Variants in DRC8 observed in about 807,000 individuals in gnomAD.
The protein encoded by DRC8 is dynein regulatory complex subunit 8, also known as dynein regulatory complex protein 8.
At chr1:245,118,810 G>T in the DRC8 span, among the ~76,000 whole-genome samples, 3 of 83,108 alleles carry the variant, frequency 3.6e-5, no homozygotes, top group African/African-American at 1.7e-4. Flanking sequence ...GAAAAGAAAA[G>T]AAAAGAAAAG....
chr1:245,042,301 C>A, the DRC8 span, among the ~76,000 whole-genome samples: 1 of 152,314 alleles, frequency 6.6e-6, no homozygotes, highest in South Asian at 2.1e-4. Context: ...TAGGGGGCTA[C>A]AAACTCTAGC....
At chr1:245,055,027 A>G in the DRC8 span, among the ~76,000 whole-genome samples, 1 of 152,220 alleles carries the variant, frequency 6.6e-6, no homozygotes, top group Admixed American at 6.5e-5. Flanking sequence ...CATCACAGAA[A>G]GGGAACAGAG....
chr1:244,983,411 T>C, the DRC8 span, among the ~76,000 whole-genome samples: 1 of 152,170 alleles, frequency 6.6e-6, no homozygotes, highest in Non-Finnish European at 1.5e-5. Context: ...TTCATTATAT[T>C]AGGTTGGTGC....
chr1:244,970,805 G>C, the DRC8 span: 1 of 360,428 alleles, frequency 2.8e-6, no homozygotes, highest in South Asian at 5.1e-5. Context: ...CGGAGGCCGG[G>C]CCTTGCATCC....
the DRC8 span, among the ~76,000 whole-genome samples, chr1:245,061,441 A>T: frequency 6.6e-6 from 1 of 152,156 alleles, no homozygotes; most frequent in African/African-American, 2.4e-5. Flanking sequence ...AGATATTTAG[A>T]ATACTTATGT....
At chr1:245,116,320 A>C in the DRC8 span, among the ~76,000 whole-genome samples, 1 of 152,150 alleles carries the variant, frequency 6.6e-6, no homozygotes, top group African/African-American at 2.4e-5. Flanking sequence ...GCCAAGAGTT[A>C]GAGGCTGCAG....
At chr1:245,119,912 A>G in the DRC8 span, among the ~76,000 whole-genome samples, 6 of 151,784 alleles carry the variant, frequency 4.0e-5, no homozygotes, top group African/African-American at 1.2e-4. Context: ...CAGCCTGGGC[A>G]ACAGAGCGAG....
chr1:245,105,007 C>T, the DRC8 span, among the ~76,000 whole-genome samples: 1 of 152,304 alleles, frequency 6.6e-6, no homozygotes, highest in African/African-American at 2.4e-5. Flanking sequence ...GAATTGTCCG[C>T]ACGTTGGACT....
the DRC8 span, among the ~76,000 whole-genome samples, chr1:245,080,141 CGTTT>C: frequency 1.3e-5 from 2 of 152,094 alleles, no homozygotes; most frequent in South Asian, 2.1e-4. Flanking sequence ...TATAGTTTTT[CGTTT>C]GTTTGTTTTT....
At chr1:245,096,719 A>G in the DRC8 span, among the ~76,000 whole-genome samples, 4 of 152,374 alleles carry the variant, frequency 2.6e-5, no homozygotes, top group African/African-American at 9.6e-5. Context: ...CACATTGGCA[A>G]TTCTGCTGCC....
chr1:244,975,791 T>C, the DRC8 span, among the ~76,000 whole-genome samples: 1 of 151,758 alleles, frequency 6.6e-6, no homozygotes, highest in Non-Finnish European at 1.5e-5. Context: ...ACCCAGGAGG[T>C]GGAGGTTGCA....
the DRC8 span, chr1:245,002,075 T>G: frequency 6.7e-7 from 1 of 1,496,126 alleles, no homozygotes; most frequent in Non-Finnish European, 9.1e-7. Flanking sequence ...CATATGACAA[T>G]TTTTATTGAT....
chr1:245,091,086 G>T, the DRC8 span: 2 of 152,248 alleles, frequency 1.3e-5, no homozygotes, highest in Non-Finnish European at 2.9e-5. Context: ...CCACTGGCTC[G>T]GCCGTGCATG....
At chr1:245,113,357 G>T in the DRC8 span, among the ~76,000 whole-genome samples, 4 of 152,286 alleles carry the variant, frequency 2.6e-5, no homozygotes, top group East Asian at 5.8e-4. Flanking sequence ...AATTAGTGGA[G>T]GTTGCTGACC....
At chr1:245,084,659 C>T in the DRC8 span, among the ~76,000 whole-genome samples, 3 of 152,244 alleles carry the variant, frequency 2.0e-5, no homozygotes, top group Admixed American at 6.5e-5. Context: ...ATATTGGTCC[C>T]CTTGCCTTCT....
chr1:245,119,922 G>T, the DRC8 span, among the ~76,000 whole-genome samples: 1 of 149,928 alleles, frequency 6.7e-6, no homozygotes, highest in Admixed American at 6.7e-5. Flanking sequence ...AACAGAGCGA[G>T]ACCCCGTCTC....
the DRC8 span, among the ~76,000 whole-genome samples, chr1:245,070,901 A>G: frequency 6.6e-6 from 1 of 152,162 alleles, no homozygotes; most frequent in East Asian, 1.9e-4. Flanking sequence ...GGCTGGAGAG[A>G]ATTAGCTAGT....
chr1:244,972,826 AAAAAC>A, the DRC8 span, among the ~76,000 whole-genome samples: 1 of 151,930 alleles, frequency 6.6e-6, no homozygotes, highest in African/African-American at 2.4e-5. Flanking sequence ...AAAAAAAAAA[AAAAAC>A]AAAAACAAAA....
the DRC8 span, among the ~76,000 whole-genome samples, chr1:244,976,142 G>T: frequency 6.6e-6 from 1 of 151,978 alleles, no homozygotes; most frequent in Non-Finnish European, 1.5e-5. Context: ...GGTGGTGGTT[G>T]CCTGTTATCC....
Sources: gnomAD v4.1 joint callset for allele counts (sites outside exome capture counted in the v4.1 genomes callset) on GRCh38, gnomAD v4.1.1 for gene constraint, MANE v1.5 for transcripts, NCBI Gene and HGNC (gene_info 2026-07-23, HGNC 2026-07-21) for gene names.